Variants in CHN2 observed in about 807,000 individuals in gnomAD.
CHN2 encodes chimerin 2, also known as beta-chimaerin.
Under a neutral mutation model 56.3 loss-of-function variants are expected in CHN2, and 35 were observed. That is an observed-to-expected ratio of 0.62 (90% CI 0.47 to 0.82). CHN2 has a LOEUF of 0.82. Ranked by LOEUF, CHN2 falls within the 40% of genes least tolerant of loss-of-function variation. The probability of loss-of-function intolerance (pLI) is 0.00; values close to 1 mark genes in which losing one functional copy is unlikely to be tolerated. For missense variants in CHN2, 491 were observed against 580.5 expected (o/e 0.85, Z 1.58); for synonymous variants, 210 against 212.8 (o/e 0.99, Z 0.12).
intron 6 of CHN2, among the ~76,000 whole-genome samples, chr7:29,415,921 T>C (rs1237203740): frequency 4.6e-5 from 7 of 152,244 alleles, no homozygotes; most frequent in Non-Finnish European, 1.0e-4. Context: ...AAGCTAATTG[T>C]CATCTTAGAC....
intron 1 of CHN2, among the ~76,000 whole-genome samples, chr7:29,338,856 A>G (rs533567400): frequency 1.6e-4 from 24 of 152,334 alleles, no homozygotes; most frequent in East Asian, 7.7e-4. Context: ...CTGAGATTAC[A>G]GGCATGAGCC....
chr7:29,512,345 T>A (rs776371351), intron 12 of CHN2, among the ~76,000 whole-genome samples: 8 of 152,190 alleles, frequency 5.3e-5, no homozygotes, highest in Non-Finnish European at 1.2e-4. Context: ...CAGATTCACA[T>A]AAGTAATTCA....
chr7:29,369,246 G>A (rs1241856617), intron 3 of CHN2, among the ~76,000 whole-genome samples: 1 of 152,094 alleles, frequency 6.6e-6, no homozygotes, highest in Non-Finnish European at 1.5e-5. Context: ...ATTGCCATGT[G>A]TAAGGAGGTA....
chr7:29,346,164 C>T (rs150070508), intron 1 of CHN2, among the ~76,000 whole-genome samples: 1 of 152,306 alleles, frequency 6.6e-6, no homozygotes, highest in East Asian at 1.9e-4. Context: ...AGTCTCGCAG[C>T]TCAGGCCTGG....
intron 1 of CHN2, among the ~76,000 whole-genome samples, chr7:29,232,214 A>AT (rs535609107): frequency 1.7e-4 from 25 of 151,354 alleles, no homozygotes; most frequent in Admixed American, 1.1e-3. Context: ...CCCTGCTGTC[A>AT]TTTTTTTTTA....
At chr7:29,415,645 A>G (rs1803665996) in intron 6 of CHN2, among the ~76,000 whole-genome samples, 1 of 152,012 alleles carries the variant, frequency 6.6e-6, no homozygotes, top group South Asian at 2.1e-4. Flanking sequence ...GAGGCTGGAG[A>G]TGGGCGGGCT....
chr7:29,258,368 C>T (rs992855383), intron 1 of CHN2, among the ~76,000 whole-genome samples: 1 of 152,160 alleles, frequency 6.6e-6, no homozygotes, highest in Non-Finnish European at 1.5e-5. Context: ...AAGCTTTGTG[C>T]TCAAGAGTCT....
At chr7:29,264,737 C>T (rs1025452839) in intron 1 of CHN2, among the ~76,000 whole-genome samples, 8 of 152,016 alleles carry the variant, frequency 5.3e-5, no homozygotes, top group Non-Finnish European at 1.0e-4. Flanking sequence ...TGTCTGCTGA[C>T]CTTCCCTCCA....
At chr7:29,313,804 G>A (rs1018046451) in intron 1 of CHN2, among the ~76,000 whole-genome samples, 1 of 152,136 alleles carries the variant, frequency 6.6e-6, no homozygotes, top group South Asian at 2.1e-4. Flanking sequence ...GGGGTCTTAA[G>A]GTGGTTTATG....
chr7:29,344,513 C>A (rs1038368457), intron 1 of CHN2, among the ~76,000 whole-genome samples: 1 of 152,174 alleles, frequency 6.6e-6, no homozygotes, highest in Non-Finnish European at 1.5e-5. Flanking sequence ...TGAGACACTT[C>A]TGGCTCTCAG....
chr7:29,263,906 G>C (rs1362108831), intron 1 of CHN2, among the ~76,000 whole-genome samples: 2 of 150,244 alleles, frequency 1.3e-5, no homozygotes, highest in East Asian at 4.0e-4. Context: ...GTCTCCGCCC[G>C]GCAGCCTCCC....
intron 1 of CHN2, among the ~76,000 whole-genome samples, chr7:29,252,578 G>GTTGTTTTTTT (rs1788664962): frequency 2.1e-4 from 4 of 19,488 alleles, no homozygotes; most frequent in African/African-American, 1.2e-3. Flanking sequence ...TGCATTCTTT[G>GTTGTTTTTTT]TTTTTTTTTT....
Position 29,411,622 on chromosome 7 carries a change from G to C in CHN2, c.576+10794G>C, listed in dbSNP as rs141708548. Among the ~76,000 whole-genome samples the C allele has an allele frequency of 2.0e-5, 3 of 152,326 alleles. No individual in the cohort carries two copies. In the East Asian group the frequency reaches 5.8e-4, roughly 29 times the overall value. On this transcript the variant is annotated intron_variant, in intron 6 of 12. Transcript: ENST00000222792. ...TGTGGTCAAGTCAGAGCCAGGGGAA[G>C]ACAACAGACTTTTACCGTGAGTTCC...
At chr7:29,160,393 C>T (rs146648700) in intron 2 of CHN2, among the ~76,000 whole-genome samples, 12 of 152,272 alleles carry the variant, frequency 7.9e-5, no homozygotes, top group African/African-American at 2.6e-4. Context: ...CATGTCATTC[C>T]CCTTCCTGTT....
intron 2 of CHN2, among the ~76,000 whole-genome samples, chr7:29,150,909 T>C (rs1386240619): frequency 6.6e-6 from 1 of 152,152 alleles, no homozygotes; most frequent in Non-Finnish European, 1.5e-5. Context: ...CGAAGCCAGA[T>C]GTGTCACACC....
At chr7:29,183,769 T>C (rs1798360881) in intron 2 of CHN2, among the ~76,000 whole-genome samples, 2 of 152,184 alleles carry the variant, frequency 1.3e-5, no homozygotes, top group Non-Finnish European at 2.9e-5. Flanking sequence ...GGATATATGA[T>C]ATATGTAGAT....
intron 1 of CHN2, among the ~76,000 whole-genome samples, chr7:29,236,754 C>A (rs906290146): frequency 6.6e-6 from 1 of 152,204 alleles, no homozygotes; most frequent in Non-Finnish European, 1.5e-5. Context: ...CTTCTAGGGG[C>A]TCTAAGGGAG....
intron 6 of CHN2, among the ~76,000 whole-genome samples, chr7:29,419,493 A>G (rs986858693): frequency 5.9e-5 from 9 of 152,214 alleles, no homozygotes; most frequent in African/African-American, 2.2e-4. Context: ...GGATAATATC[A>G]AACTTAAAAT....
chr7:29,337,106 A>G (rs1796685176), intron 1 of CHN2, among the ~76,000 whole-genome samples: 2 of 152,166 alleles, frequency 1.3e-5, no homozygotes, highest in African/African-American at 4.8e-5. Flanking sequence ...TTGTGTACCC[A>G]GTGCCTAACT....
Sources: allele counts gnomAD v4.1 joint callset (sites outside exome capture counted in the v4.1 genomes callset), GRCh38; gene constraint gnomAD v4.1.1; transcripts MANE v1.5; gene names NCBI Gene and HGNC (gene_info 2026-07-23, HGNC 2026-07-21).